PREX1: variants seen among roughly 807,000 people sequenced by gnomAD.
PREX1 encodes the protein phosphatidylinositol-3,4,5-trisphosphate dependent Rac exchange factor 1.
In PREX1, 41 loss-of-function variants were observed where a neutral mutation model predicts 198.3. The observed-to-expected ratio is 0.21, with a 90% CI of 0.16 to 0.27. The LOEUF is 0.27. PREX1 is among the 10% of genes least tolerant of loss of function. PREX1 has a pLI of 1.00. For missense variants in PREX1, 1,620 were observed against 2,200.7 expected, an observed-to-expected ratio of 0.74 and a Z score of 5.28; for synonymous variants, 843 against 887.2, an observed-to-expected ratio of 0.95 and a Z score of 0.89.
chr20:48,681,599 G>C (rs1344284850), intron 10 of PREX1, among the ~76,000 whole-genome samples: 1 of 152,128 alleles, frequency 6.6e-6, no homozygotes, highest in Non-Finnish European at 1.5e-5. Flanking sequence ...AGGAAGGAAG[G>C]AAGGGAGAGA....
chr20:48,703,837 C>T (rs1349588518), intron 6 of PREX1, among the ~76,000 whole-genome samples: 2 of 152,218 alleles, frequency 1.3e-5, no homozygotes, highest in East Asian at 3.8e-4. Context: ...CCACCCCAGC[C>T]CTGCTGAGAA....
intron 14 of PREX1, 78 bp downstream of exon 14, chr20:48,676,115 A>G: frequency 1.4e-6 from 2 of 1,417,472 alleles, no homozygotes; most frequent in Non-Finnish European, 2.0e-6. Flanking sequence ...ATAAGAAAAA[A>G]TCTTTAAACA....
chr20:48,705,601 G>C (rs993091244), intron 6 of PREX1, among the ~76,000 whole-genome samples: 1 of 152,180 alleles, frequency 6.6e-6, no homozygotes, highest in African/African-American at 2.4e-5. Flanking sequence ...TACCCCCTAA[G>C]GCATGCTGTC....
At chr20:48,728,925 T>C (rs1310612476) in intron 4 of PREX1, among the ~76,000 whole-genome samples, 1 of 152,124 alleles carries the variant, frequency 6.6e-6, no homozygotes, top group African/African-American at 2.4e-5. Context: ...TTCTGAGAAG[T>C]CCTTAAATGC....
intron 15 of PREX1, among the ~76,000 whole-genome samples, chr20:48,661,521 T>C (rs1005494165): frequency 8.0e-6 from 1 of 124,752 alleles, no homozygotes; most frequent in African/African-American, 3.1e-5. Context: ...ATATATAATA[T>C]ATATAATGTG....
chr20:48,860,320 G>A, the PREX1 span, among the ~76,000 whole-genome samples: 2 of 152,208 alleles, frequency 1.3e-5, no homozygotes, highest in Non-Finnish European at 2.9e-5. Flanking sequence ...GGTCCCTAGA[G>A]TAGTCAAAAT....
At chr20:48,860,786 G>C in the PREX1 span, among the ~76,000 whole-genome samples, 2 of 149,784 alleles carry the variant, frequency 1.3e-5, no homozygotes, top group African/African-American at 4.9e-5. Flanking sequence ...AGTGAGCCGA[G>C]ATCGCACCAC....
the PREX1 span, among the ~76,000 whole-genome samples, chr20:48,852,279 A>G: frequency 2.6e-5 from 4 of 152,138 alleles, no homozygotes; most frequent in African/African-American, 7.2e-5. Flanking sequence ...CTCAAGCAGT[A>G]TATAAAACAC....
intron 39 of PREX1, among the ~76,000 whole-genome samples, chr20:48,626,387 G>A (rs1341035768): frequency 1.1e-4 from 16 of 152,228 alleles, no homozygotes; most frequent in Admixed American, 1.0e-3. Flanking sequence ...TGTGGTCAGC[G>A]CTCGGACTCC....
the PREX1 span, among the ~76,000 whole-genome samples, chr20:48,866,383 T>C: frequency 3.3e-5 from 5 of 152,176 alleles, no homozygotes; most frequent in Admixed American, 1.3e-4. Flanking sequence ...TGGCTGCTCA[T>C]GGGCATTGTC....
chr20:48,814,172 G>A (rs1275604723), intron 1 of PREX1, among the ~76,000 whole-genome samples: 1 of 152,222 alleles, frequency 6.6e-6, no homozygotes, highest in East Asian at 1.9e-4. Flanking sequence ...CCACAGAGTG[G>A]GCCCCATTCA....
intron 5 of PREX1, among the ~76,000 whole-genome samples, chr20:48,710,979 C>G (rs1165822243): frequency 6.6e-6 from 1 of 152,232 alleles, no homozygotes; most frequent in Non-Finnish European, 1.5e-5. Flanking sequence ...GGTTTCCTCC[C>G]AAGAGCCATG....
the PREX1 span, among the ~76,000 whole-genome samples, chr20:48,846,635 G>C: frequency 6.6e-6 from 1 of 152,268 alleles, no homozygotes; most frequent in East Asian, 1.9e-4. Flanking sequence ...CTTTGTAGAC[G>C]CTCCCTGGAC....
At chr20:48,843,846 C>G in the PREX1 span, among the ~76,000 whole-genome samples, 1 of 152,096 alleles carries the variant, frequency 6.6e-6, no homozygotes, top group African/African-American at 2.4e-5. Context: ...ACTGCCAAGT[C>G]CAAATCTAGT....
chr20:48,864,690 G>T, the PREX1 span, among the ~76,000 whole-genome samples: 3 of 152,164 alleles, frequency 2.0e-5, no homozygotes, highest in Non-Finnish European at 4.4e-5. Context: ...CAGATGGAGG[G>T]TTAGGGACAG....
chr20:48,764,790 AAAAAAAAGAAAG>A (rs2090200597), intron 1 of PREX1, among the ~76,000 whole-genome samples: 2 of 149,138 alleles, frequency 1.3e-5, no homozygotes, highest in East Asian at 2.0e-4. Flanking sequence ...TCAAAAAAAA[AAAAAAAAGAAAG>A]AAAGAAAGAA....
the PREX1 span, among the ~76,000 whole-genome samples, chr20:48,864,423 T>C: frequency 6.6e-6 from 1 of 152,172 alleles, no homozygotes; most frequent in Non-Finnish European, 1.5e-5. Flanking sequence ...ACAGCTAATA[T>C]TTATTGTGTG....
chr20:48,632,580 G>C lies in PREX1; in HGVS notation c.4327C>G (p.Leu1443Val). ...SRQALKVIFY[L>V]DSYHFSKLPS... Reference sequence around the variant, plus strand: ...AGCTTGGAGAAGTGGTAGCTGTCGAGGTAGAAGATGACCTTCAGCGCCTGC... The same window carrying C: ...AGCTTGGAGAAGTGGTAGCTGTCGACGTAGAAGATGACCTTCAGCGCCTGC... The change falls in exon 34 of 40, where the codon CTC (leucine) becomes GTC (valine). Residue 1443 changes from leucine (L) to valine (V), a missense_variant. Coordinates refer to ENST00000371941, the MANE Select transcript of PREX1 (RefSeq NM_020820.4). 1 of 1,614,030 alleles carries C rather than the reference G, an allele frequency of 6.2e-7. No individual in the cohort carries two copies. The highest frequency in any genetic ancestry group is 1.1e-5 in the South Asian group (1 of 91,058).
At chr20:48,771,448 C>T (rs1182588404) in intron 1 of PREX1, among the ~76,000 whole-genome samples, 1 of 151,844 alleles carries the variant, frequency 6.6e-6, no homozygotes, top group Non-Finnish European at 1.5e-5. Flanking sequence ...AGGGTTTGCA[C>T]CAATTTATTG....
Sources: gnomAD v4.1 joint callset for allele counts (sites outside exome capture counted in the v4.1 genomes callset) on GRCh38, gnomAD v4.1.1 for gene constraint, MANE v1.5 for transcripts, NCBI Gene and HGNC (gene_info 2026-07-23, HGNC 2026-07-21) for gene names.